The following SLC44A5 variants were observed in gnomAD, a reference collection of about 807,000 sequenced individuals.
The protein encoded by SLC44A5 is choline transporter-like protein 5.
Under a neutral mutation model 101.8 loss-of-function variants are expected in SLC44A5, and 57 were observed. The observed-to-expected ratio is 0.56, with a 90% CI of 0.45 to 0.70. SLC44A5 has a LOEUF of 0.70. SLC44A5 is among the 30% of genes least tolerant of loss of function. The pLI, the probability that SLC44A5 is intolerant of heterozygous loss-of-function variation, is 0.00. For synonymous variants in SLC44A5, 281 were observed against 290.9 expected (o/e 0.97, Z 0.35); for missense variants, 737 against 853.1 (o/e 0.86, Z 1.70).
chr1:75,424,337 G>A (rs1355419338), intron 2 of SLC44A5, among the ~76,000 whole-genome samples: 5 of 151,994 alleles, frequency 3.3e-5, no homozygotes, highest in African/African-American at 7.3e-5. Flanking sequence ...ATGGAGTCTC[G>A]CTCTGTCACC....
chr1:75,361,340 G>T (rs1659474936), intron 3 of SLC44A5, among the ~76,000 whole-genome samples: 1 of 152,032 alleles, frequency 6.6e-6, no homozygotes, highest in Non-Finnish European at 1.5e-5. Context: ...GACTTCTAGA[G>T]TTATGTTGAA....
intron 2 of SLC44A5, among the ~76,000 whole-genome samples, chr1:75,441,561 A>G (rs1048046133): frequency 6.6e-6 from 1 of 152,056 alleles, no homozygotes; most frequent in Non-Finnish European, 1.5e-5. Context: ...AATAATAAAC[A>G]TAATTGAATT....
intron 2 of SLC44A5, among the ~76,000 whole-genome samples, chr1:75,502,628 T>C (rs1207786355): frequency 2.6e-5 from 4 of 152,202 alleles, no homozygotes; most frequent in Admixed American, 2.6e-4. Flanking sequence ...TATGTATACA[T>C]GTGCCATGTT....
the SLC44A5 span, among the ~76,000 whole-genome samples, chr1:75,628,801 G>C: frequency 6.6e-6 from 1 of 152,124 alleles, no homozygotes; most frequent in Non-Finnish European, 1.5e-5. Context: ...GCACTTTGTA[G>C]GGAAGGTGAG....
chr1:75,328,791 C>T (rs777291301), intron 4 of SLC44A5, among the ~76,000 whole-genome samples: 14 of 152,214 alleles, frequency 9.2e-5, no homozygotes, highest in Non-Finnish European at 8.8e-5. Flanking sequence ...GTCTTCCATC[C>T]TAGTCTCTGT....
intron 1 of SLC44A5, among the ~76,000 whole-genome samples, chr1:75,575,755 A>C (rs541343827): frequency 6.6e-6 from 1 of 152,318 alleles, no homozygotes; most frequent in African/African-American, 2.4e-5. Flanking sequence ...GTGTGGCTAG[A>C]TTAATTGACA....
chr1:75,596,454 G>A (rs537494355), intron 1 of SLC44A5, among the ~76,000 whole-genome samples: 7 of 152,180 alleles, frequency 4.6e-5, no homozygotes, highest in African/African-American at 1.7e-4. Context: ...CTCATTTTAT[G>A]AGGCCAACAT....
chr1:75,678,980 G>A, the SLC44A5 span, among the ~76,000 whole-genome samples: 13 of 152,310 alleles, frequency 8.5e-5, no homozygotes, highest in Admixed American at 3.9e-4. Flanking sequence ...AGCCTCAGGA[G>A]CCGATGCTAT....
upstream of SLC44A5, among the ~76,000 whole-genome samples, chr1:75,615,484 GGAGAGA>G (rs377397836): frequency 8.9e-6 from 1 of 112,096 alleles, no homozygotes; most frequent in East Asian, 2.1e-4. Flanking sequence ...CACACGAGAG[GGAGAGA>G]GAGAGAGATT....
intron 3 of SLC44A5, among the ~76,000 whole-genome samples, chr1:75,391,116 C>A (rs747557660): frequency 4.0e-5 from 6 of 151,888 alleles, no homozygotes; most frequent in Non-Finnish European, 8.8e-5. Context: ...AAATAAAATA[C>A]CTAGGAATAC....
intron 1 of SLC44A5, among the ~76,000 whole-genome samples, chr1:75,561,475 G>A (rs927686581): frequency 6.6e-6 from 1 of 151,848 alleles, no homozygotes; most frequent in Non-Finnish European, 1.5e-5. Context: ...AAGGAACTTT[G>A]GTATTTTTCA....
At chr1:75,679,478 A>C in the SLC44A5 span, among the ~76,000 whole-genome samples, 2 of 152,114 alleles carry the variant, frequency 1.3e-5, no homozygotes, top group Non-Finnish European at 2.9e-5. Flanking sequence ...AAAGAAAAGA[A>C]TTTTCAACCC....
At chr1:75,642,168 A>G in the SLC44A5 span, 2 of 688,454 alleles carry the variant, frequency 2.9e-6, no homozygotes, top group African/African-American at 3.6e-5. Context: ...AGAAGAAAGC[A>G]TTCTCCTTAT....
intron 2 of SLC44A5, among the ~76,000 whole-genome samples, chr1:75,522,744 A>C (rs1363298606): frequency 6.6e-6 from 1 of 152,226 alleles, no homozygotes; most frequent in African/African-American, 2.4e-5. Flanking sequence ...ACAGCTTTTG[A>C]AACAGAAGGA....
At chr1:75,426,074 T>C (rs2101579071) in intron 2 of SLC44A5, among the ~76,000 whole-genome samples, 1 of 152,196 alleles carries the variant, frequency 6.6e-6, no homozygotes, top group Admixed American at 6.5e-5. Context: ...GGATGTCCAA[T>C]ACACTAAAAC....
intron 2 of SLC44A5, among the ~76,000 whole-genome samples, chr1:75,471,145 T>A (rs1286562646): frequency 6.6e-6 from 1 of 152,150 alleles, no homozygotes; most frequent in African/African-American, 2.4e-5. Flanking sequence ...TTAACCTTTT[T>A]TTTACGGCCT....
upstream of SLC44A5, chr1:75,615,767 G>C (rs890192139): frequency 2.5e-6 from 2 of 812,938 alleles, no homozygotes; most frequent in Non-Finnish European, 3.0e-6. Flanking sequence ...CCACTTGGCC[G>C]CGCCTGGATG....
At chr1:75,406,058 C>CTAT (rs752935692) in intron 2 of SLC44A5, among the ~76,000 whole-genome samples, 2 of 152,040 alleles carry the variant, frequency 1.3e-5, no homozygotes, top group African/African-American at 2.4e-5. Context: ...GAAATACAAA[C>CTAT]TATTGTTAGA....
intron 1 of SLC44A5, among the ~76,000 whole-genome samples, chr1:75,558,480 T>C (rs1211652911): frequency 1.3e-5 from 2 of 152,084 alleles, no homozygotes; most frequent in Non-Finnish European, 2.9e-5. Flanking sequence ...GTCATCTACA[T>C]GCATAGCAAG....
Sources: allele counts gnomAD v4.1 joint callset (sites outside exome capture counted in the v4.1 genomes callset), GRCh38; gene constraint gnomAD v4.1.1; transcripts MANE v1.5; gene names NCBI Gene and HGNC (gene_info 2026-07-23, HGNC 2026-07-21).